AOPEP: variants seen among roughly 807,000 people sequenced by gnomAD.
The protein encoded by AOPEP is aminopeptidase O (putative), also known as aminopeptidase O.
AOPEP carries 77 observed loss-of-function variants against 98.1 expected under a neutral mutation model. The ratio of observed to expected loss-of-function variants is 0.78; its 90% CI spans 0.65 to 0.95. The LOEUF (loss-of-function observed/expected upper bound fraction) is 0.95, where lower values mean the gene tolerates loss of function less well. Ranked by LOEUF, AOPEP falls within the 40% of genes least tolerant of loss-of-function variation. The probability of loss-of-function intolerance (pLI) is 0.00; values close to 1 mark genes in which losing one functional copy is unlikely to be tolerated. For synonymous variants in AOPEP, 346 were observed against 365.3 expected (o/e 0.95, Z 0.60); for missense variants, 1,024 against 1,024.7 (o/e 1.00, Z 0.01).
chr9:95,043,897 A>G (rs1371965737), intron 13 of AOPEP, among the ~76,000 whole-genome samples: 1 of 152,150 alleles, frequency 6.6e-6, no homozygotes, highest in East Asian at 1.9e-4. Context: ...GGCCCACATG[A>G]TCCACCAGCC....
At chr9:95,139,197 C>CT in the AOPEP span, among the ~76,000 whole-genome samples, 1 of 152,200 alleles carries the variant, frequency 6.6e-6, no homozygotes, top group Non-Finnish European at 1.5e-5. Context: ...AAATGTGCAG[C>CT]TCTCCCATCT....
intron 7 of AOPEP, among the ~76,000 whole-genome samples, chr9:94,944,358 A>G (rs2057384194): frequency 6.6e-6 from 1 of 152,228 alleles, no homozygotes; most frequent in African/African-American, 2.4e-5. Context: ...ATGAATGGAT[A>G]ATCAAAATGT....
chr9:94,954,245 G>A (rs1050166549), intron 7 of AOPEP, among the ~76,000 whole-genome samples: 2 of 152,108 alleles, frequency 1.3e-5, no homozygotes, highest in Admixed American at 6.6e-5. Flanking sequence ...GATCATTTGA[G>A]CTCAGGAGGC....
rs371170350 is a variant in AOPEP, at chr9:94,924,989, T to TTTGTTG, written c.1554+830_1554+835dup. Among the ~76,000 whole-genome samples, 734 of 152,078 alleles carry TTTGTTG rather than the reference T, an allele frequency of 4.8e-3. 7 individuals are homozygous for TTTGTTG. Among genetic ancestry groups the TTTGTTG allele is most frequent in the African/African-American group, 0.017 (705 of 41,472 alleles). ...TCGTGCTTACTTTCAAGTTCCTATTTTTGTTGTTGTTGTTGTTGTTGAGAC... is the reference window on the plus strand; with the variant it reads ...TCGTGCTTACTTTCAAGTTCCTATTTTTGTTGTTGTTGTTGTTGTTGTTGTTGAGAC... On this transcript the variant is annotated intron_variant, in intron 6 of 16. Transcript: ENST00000375315.
chr9:95,110,919 GACCAA>G, the AOPEP span: 1 of 1,317,718 alleles, frequency 7.6e-7, no homozygotes. Context: ...TTTAGGAAAT[GACCAA>G]CTTCTTTTTC....
chr9:95,082,691 G>C lies in AOPEP; in HGVS notation c.2436G>C (p.Gln812His). The C allele has an allele frequency of 6.2e-7, 1 of 1,614,204 alleles. No homozygotes were observed. The highest frequency in any genetic ancestry group is 1.1e-5 in the South Asian group (1 of 91,086). Reference sequence around the variant, plus strand: ...AGCAGATGGATAGGTCCTCAGCCCAGGTGGTGGCCGAAATGTTATTTTAAC... The same window carrying C: ...AGCAGATGGATAGGTCCTCAGCCCACGTGGTGGCCGAAATGTTATTTTAAC... ...TKEQMDRSSA[Q>H]VVAEMLF Residue 812 changes from glutamine to histidine, a missense_variant, in exon 16 of 17, where the codon CAG becomes CAC. Physicochemically the swap from Gln to His is conservative, Grantham distance 24. This residue lies in a region of AOPEP where 566 missense variants were observed against 551.7 expected (regional missense o/e 1.03). Coordinates refer to ENST00000375315, the MANE Select transcript of AOPEP (RefSeq NM_001193329.3).
At chr9:94,904,241 C>T (rs1209051756) in intron 5 of AOPEP, 2 of 152,206 alleles carry the variant, frequency 1.3e-5, no homozygotes, top group African/African-American at 4.8e-5. Flanking sequence ...CCACTGCATA[C>T]ATGATACTAG....
chr9:94,758,915 T>C (rs1837636506), intron 1 of AOPEP, among the ~76,000 whole-genome samples: 1 of 130,510 alleles, frequency 7.7e-6, no homozygotes, highest in South Asian at 2.6e-4. Context: ...TATAGGTATT[T>C]GCCTGCCTTT....
intron 2 of AOPEP, among the ~76,000 whole-genome samples, chr9:94,766,787 T>C (rs1440086937): frequency 6.6e-6 from 1 of 152,234 alleles, no homozygotes; most frequent in Non-Finnish European, 1.5e-5. Flanking sequence ...TAAGATAAAG[T>C]AATATTAACA....
intron 5 of AOPEP, among the ~76,000 whole-genome samples, chr9:94,862,137 T>C (rs1457135479): frequency 6.6e-6 from 1 of 152,198 alleles, no homozygotes; most frequent in Non-Finnish European, 1.5e-5. Context: ...CACCTCTACC[T>C]AACAGTTTAA....
At chr9:94,853,604 A>T (rs1177596240) in intron 5 of AOPEP, among the ~76,000 whole-genome samples, 2 of 152,228 alleles carry the variant, frequency 1.3e-5, no homozygotes, top group Non-Finnish European at 2.9e-5. Flanking sequence ...TCCAGAACAT[A>T]TCCAAAATAG....
rs368269598 is a variant in AOPEP at position 94,811,204 on chromosome 9, T to A, written c.1364+10202T>A. Among the ~76,000 whole-genome samples, 4 of 152,346 alleles carry A rather than the reference T, an allele frequency of 2.6e-5. No individual in the cohort carries two copies. In the East Asian group the frequency reaches 7.7e-4, roughly 29 times the overall value. On this transcript the variant is annotated intron_variant, in intron 5 of 16. Coordinates refer to ENST00000375315, the MANE Select transcript of AOPEP (RefSeq NM_001193329.3). ...TGGATGAAGACATTTCAGTTGTGCC[T>A]GCAGGTGGTGTTGTTTTGACCTTGA...
At chr9:94,927,779 A>G (rs1040429674) in intron 6 of AOPEP, among the ~76,000 whole-genome samples, 3 of 152,230 alleles carry the variant, frequency 2.0e-5, no homozygotes, top group Non-Finnish European at 4.4e-5. Context: ...TTTGATTTCC[A>G]GAAACACCCG....
At chr9:94,763,308 T>A in intron 2 of AOPEP, 1 of 226,496 alleles carries the variant, frequency 4.4e-6, no homozygotes, top group South Asian at 5.6e-5. Context: ...TAGACAAATA[T>A]AAGAAAATCT....
rs1344698247 is a variant in AOPEP, at chr9:95,035,203, A to G, written c.2116-25491A>G. Among the ~76,000 whole-genome samples, 7 of 150,002 alleles carry G rather than the reference A, an allele frequency of 4.7e-5. No individual in the cohort carries two copies. The East Asian group carries it at 1.4e-3, about 30-fold the overall frequency. ...TCTCATTGTTCAATTCCCACCTGTG[A>G]GTGAGAACATGCGGTGTTTGGTTGA... On this transcript the variant is annotated intron_variant, in intron 13 of 16. Coordinates refer to ENST00000375315, the MANE Select transcript of AOPEP (RefSeq NM_001193329.3).
At chr9:95,001,247 T>G (rs2061540226) in intron 11 of AOPEP, among the ~76,000 whole-genome samples, 1 of 152,216 alleles carries the variant, frequency 6.6e-6, no homozygotes, top group Non-Finnish European at 1.5e-5. Context: ...CTCCAATCAA[T>G]CACGAGGTTA....
intron 1 of AOPEP, among the ~76,000 whole-genome samples, chr9:94,740,893 T>C (rs1441650164): frequency 6.6e-6 from 1 of 152,260 alleles, no homozygotes; most frequent in Non-Finnish European, 1.5e-5. Context: ...GAAGACTAAA[T>C]GAGTTAATAC....
the AOPEP span, chr9:95,109,690 C>T: frequency 6.6e-6 from 1 of 152,264 alleles, no homozygotes; most frequent in Non-Finnish European, 1.5e-5. Flanking sequence ...AGGACATCCA[C>T]AGAGGCAGTG....
At chr9:94,996,706 A>G (rs1444401249) in intron 11 of AOPEP, among the ~76,000 whole-genome samples, 1 of 152,084 alleles carries the variant, frequency 6.6e-6, no homozygotes, top group Non-Finnish European at 1.5e-5. Flanking sequence ...TCAACATCTG[A>G]TATTTTTGTG....
Sources: gnomAD v4.1 joint callset for allele counts (sites outside exome capture counted in the v4.1 genomes callset) on GRCh38, gnomAD v4.1.1 for gene constraint, gnomAD v4.1.1 regional missense constraint, MANE v1.5 for transcripts, NCBI Gene and HGNC (gene_info 2026-07-23, HGNC 2026-07-21) for gene names.